MYO5B: variants seen among roughly 807,000 people sequenced by gnomAD.
The protein encoded by MYO5B is unconventional myosin-Vb.
MYO5B carries 143 observed loss-of-function variants against 229.3 expected under a neutral mutation model. That is an observed-to-expected ratio of 0.62 (90% CI 0.54 to 0.72). The LOEUF (loss-of-function observed/expected upper bound fraction) is 0.72. Among genes scored for constraint, MYO5B ranks in the 30% least tolerant of loss-of-function variants. MYO5B has a pLI of 0.00. For synonymous variants in MYO5B, 918 were observed against 885.2 expected (o/e 1.04, Z -0.66); for missense variants, 2,321 against 2,331.0 (o/e 1.00, Z 0.09).
chr18:50,074,074 GAA>G (rs1431236894), intron 1 of MYO5B, among the ~76,000 whole-genome samples: 1 of 152,172 alleles, frequency 6.6e-6, no homozygotes, highest in East Asian at 1.9e-4. Flanking sequence ...AGACTGGGAA[GAA>G]AAAGAGGTTT....
chr18:49,837,437 A>G lies in MYO5B; in HGVS notation c.5138+80T>C, dbSNP rs140656139. ...AGATTTGGATTTCATTTTTAGAAAC[A>G]GCAGTCTTGTGTTCTGATTCTAGCT... On this transcript the variant is annotated intron_variant, in intron 37 of 39. Coordinates refer to ENST00000285039, the MANE Select transcript of MYO5B (RefSeq NM_001080467.3). 82 of 1,522,220 alleles carry G rather than the reference A, an allele frequency of 5.4e-5. No individual in the cohort carries two copies. In the African/African-American group the frequency reaches 7.9e-4, roughly 15 times the overall value. The allele number at this position is 1,522,220 out of a possible 1,614,324, so 94.3% of individuals were successfully genotyped here. A position where few individuals can be genotyped will look rare whatever the true frequency, so the allele number is the denominator to read the frequency against.
At chr18:49,959,675 G>T (rs1382616064) in intron 12 of MYO5B, among the ~76,000 whole-genome samples, 2 of 152,212 alleles carry the variant, frequency 1.3e-5, no homozygotes, top group Non-Finnish European at 2.9e-5. Flanking sequence ...ACTTGATACA[G>T]CGCCTGGGCT....
chr18:49,864,204 C>T lies in MYO5B; in HGVS notation c.3780G>A (p.Glu1260=), dbSNP rs1040629352. 2 of 1,613,502 alleles carry T rather than the reference C, an allele frequency of 1.2e-6. No individual in the cohort carries two copies. The highest frequency in any genetic ancestry group is 2.7e-5 in the African/African-American group (2 of 74,956). The change falls in exon 28 of 40, where the codon GAG becomes GAA. Residue 1260 remains glutamate (E), a synonymous_variant. Transcript: ENST00000285039. Reference sequence around the variant, plus strand: ...CGATCTGGGTCCTGAGGATGAGCACCTCCTCCTTGCGCACCTCGAGCTCCT... The same window carrying T: ...CGATCTGGGTCCTGAGGATGAGCACTTCCTCCTTGCGCACCTCGAGCTCCT... The part of the protein sequence containing the change: ...AHEELEVRKE[E]VLILRTQIVS...
At chr18:49,833,489 CTGAG>C (rs2023949699) in intron 39 of MYO5B, among the ~76,000 whole-genome samples, 1 of 148,560 alleles carries the variant, frequency 6.7e-6, no homozygotes, top group South Asian at 2.2e-4. Context: ...AAATTGATTA[CTGAG>C]GAAGATTCAG....
At chr18:50,061,417 T>C (rs1213140521) in intron 1 of MYO5B, among the ~76,000 whole-genome samples, 1 of 152,220 alleles carries the variant, frequency 6.6e-6, no homozygotes, top group East Asian at 1.9e-4. Context: ...GGATTTTGGA[T>C]AGAATTAGAA....
intron 1 of MYO5B, among the ~76,000 whole-genome samples, chr18:50,191,896 T>C (rs2033232796): frequency 6.6e-6 from 1 of 152,156 alleles, no homozygotes; most frequent in South Asian, 2.1e-4. Context: ...CTACTAAAAT[T>C]GAAGCAAGAC....
At position 50,178,084 on chromosome 18, in the gene MYO5B, G is replaced by A. The variant is rs745789538; in HGVS notation, c.27+16683C>T. 5.9e-5 allele frequency among the ~76,000 whole-genome samples: 9 copies of A among 152,250 alleles called. No individual in the cohort carries two copies. The East Asian group carries it at 7.7e-4, about 13-fold the overall frequency. On this transcript the variant is annotated intron_variant, in intron 1 of 39. Coordinates refer to ENST00000285039, the MANE Select transcript of MYO5B (RefSeq NM_001080467.3). ...CATGCTAAGCATCAAAAAGACTCTC[G>A]AATACTTGTGTCTGTTATGTAATAC... is the stretch of plus-strand genomic sequence containing the variant.
At position 49,847,096 on chromosome 18, in the gene MYO5B, G is replaced by A. The variant is rs3017176; in HGVS notation, c.4459+50C>T. On this transcript the variant is annotated intron_variant, in intron 33 of 39. Transcript: ENST00000285039. ...TTGTGCTGGGGATGGAGATGGGAGC[G>A]GGGGCTGAAGGAGGGGCAGGCAGCA... 844,982 of 1,608,748 alleles carry A rather than the reference G, an allele frequency of 0.53. 224,287 individuals are homozygous for A. The highest frequency in any genetic ancestry group is 0.62 in the Admixed American group (37,251 of 59,714).
At chr18:49,901,182 T>G (rs1264468580) in intron 21 of MYO5B, among the ~76,000 whole-genome samples, 2 of 152,224 alleles carry the variant, frequency 1.3e-5, no homozygotes, top group Non-Finnish European at 2.9e-5. Flanking sequence ...TGATACAGCA[T>G]GCGACATACG....
intron 16 of MYO5B, among the ~76,000 whole-genome samples, chr18:49,932,027 A>C (rs561767432): frequency 6.6e-6 from 1 of 152,338 alleles, no homozygotes; most frequent in Admixed American, 6.5e-5. Flanking sequence ...CTTAGGTCCC[A>C]CATGGGCTAT....
rs188378948 is a variant in MYO5B at position 50,011,124 on chromosome 18, C to G, written c.456-9713G>C. ...TTGGGAGGCCGAGGCAGGCAGATCA[C>G]GAGGTCAGGAGATCGAGACCATCCT... On this transcript the variant is annotated intron_variant, in intron 4 of 39. Transcript: ENST00000285039. Among the ~76,000 whole-genome samples the G allele has an allele frequency of 8.5e-5, 13 of 152,254 alleles. No homozygotes were observed. In the South Asian group the frequency reaches 1.9e-3, roughly 22 times the overall value.
intron 1 of MYO5B, among the ~76,000 whole-genome samples, chr18:50,173,280 A>C (rs1002192083): frequency 6.6e-6 from 1 of 151,816 alleles, no homozygotes; most frequent in African/African-American, 2.4e-5. Flanking sequence ...AACAGAAGAA[A>C]AAAAAAAAAA....
intron 1 of MYO5B, among the ~76,000 whole-genome samples, chr18:50,087,450 G>A (rs2031353873): frequency 6.6e-6 from 1 of 151,852 alleles, no homozygotes; most frequent in African/African-American, 2.4e-5. Context: ...GCACGCGCCT[G>A]TAATCCCAGC....
intron 1 of MYO5B, among the ~76,000 whole-genome samples, chr18:50,183,761 TG>T (rs1444646876): frequency 5.9e-5 from 9 of 151,770 alleles, no homozygotes. Context: ...CGGGGCCTAG[TG>T]GGATGTGTTT....
chr18:50,065,763 T>G (rs2030805155), intron 1 of MYO5B, among the ~76,000 whole-genome samples: 1 of 152,110 alleles, frequency 6.6e-6, no homozygotes, highest in African/African-American at 2.4e-5. Context: ...TCACAGCATG[T>G]GACAGGGGAC....
chr18:50,192,213 G>A (rs558444593), intron 1 of MYO5B, among the ~76,000 whole-genome samples: 13 of 152,308 alleles, frequency 8.5e-5, no homozygotes, highest in Admixed American at 5.9e-4. Flanking sequence ...AGCAAAGTTC[G>A]CACTTGATGG....
chr18:49,904,779 GT>G lies in MYO5B; in HGVS notation c.2463del (p.Lys821AsnfsTer83). ...RRIRAAVVLQ[K>X]HYRMQRARQA... ...TGGCGGGCCCTCTGCATGCGGTAAT[GT>G]TTCTGGAGCACCACAGCCGCTCTGA... is the stretch of plus-strand genomic sequence containing the variant. On this transcript the variant is annotated frameshift_variant, in exon 20 of 40. Transcript: ENST00000285039. LOFTEE classifies it high-confidence loss of function. The G allele has an allele frequency of 6.2e-7, 1 of 1,613,998 alleles. No homozygotes were observed. The highest frequency in any genetic ancestry group is 8.5e-7 in the Non-Finnish European group (1 of 1,180,042).
intron 1 of MYO5B, among the ~76,000 whole-genome samples, chr18:50,068,973 C>T (rs971688371): frequency 2.0e-5 from 3 of 152,110 alleles, no homozygotes; most frequent in South Asian, 2.1e-4. Flanking sequence ...ATAGGCCTCT[C>T]TCTAATCAGA....
chr18:50,105,833 A>G (rs565646793), intron 1 of MYO5B, among the ~76,000 whole-genome samples: 8 of 152,064 alleles, frequency 5.3e-5, no homozygotes, highest in Non-Finnish European at 8.8e-5. Flanking sequence ...AGTCACTCCT[A>G]TGAGCACCAC....
Sources: allele counts gnomAD v4.1 joint callset (sites outside exome capture counted in the v4.1 genomes callset), GRCh38; gene constraint gnomAD v4.1.1; transcripts MANE v1.5; gene names NCBI Gene and HGNC (gene_info 2026-07-23, HGNC 2026-07-21).